The following PTPRD variants were observed in gnomAD, a reference collection of about 807,000 sequenced individuals.
The protein encoded by PTPRD is receptor-type tyrosine-protein phosphatase delta.
Under a neutral mutation model 214.5 loss-of-function variants are expected in PTPRD, and 34 were observed. That is an observed-to-expected ratio of 0.16 (90% CI 0.12 to 0.21). The LOEUF (loss-of-function observed/expected upper bound fraction) is 0.21. PTPRD is among the 10% of genes least tolerant of loss of function. The probability of loss-of-function intolerance (pLI) is 1.00; values close to 1 mark genes in which losing one functional copy is unlikely to be tolerated. For missense variants in PTPRD, 2,545 were observed against 2,398.7 expected (o/e 1.06, Z -1.27); for synonymous variants, 1,128 against 845.7 (o/e 1.33, Z -5.79).
intron 4 of PTPRD, among the ~76,000 whole-genome samples, chr9:9,949,735 G>T (rs529835547): frequency 1.3e-5 from 2 of 152,068 alleles, no homozygotes; most frequent in Non-Finnish European, 2.9e-5. Flanking sequence ...CATTCTTGAC[G>T]AATGGGGAGC....
At chr9:8,977,902 C>A (rs548115777) in intron 11 of PTPRD, among the ~76,000 whole-genome samples, 4 of 151,938 alleles carry the variant, frequency 2.6e-5, no homozygotes, top group African/African-American at 9.7e-5. Context: ...AGAAAGGTGG[C>A]CAGTAAAATA....
intron 7 of PTPRD, among the ~76,000 whole-genome samples, chr9:9,676,233 G>C (rs918843257): frequency 6.6e-6 from 1 of 151,658 alleles, no homozygotes; most frequent in Non-Finnish European, 1.5e-5. Context: ...CCAGTAACTC[G>C]TCATTTAACG....
At chr9:9,848,539 T>C (rs551565194) in intron 5 of PTPRD, among the ~76,000 whole-genome samples, 1 of 152,122 alleles carries the variant, frequency 6.6e-6, no homozygotes, top group Non-Finnish European at 1.5e-5. Flanking sequence ...ACTTTAAGAA[T>C]TGAAGACCTT....
At chr9:8,552,970 C>G (rs1365501855) in intron 14 of PTPRD, among the ~76,000 whole-genome samples, 4 of 152,152 alleles carry the variant, frequency 2.6e-5, no homozygotes, top group Non-Finnish European at 5.9e-5. Context: ...TTCTGCATTA[C>G]CCAGCCATCA....
chr9:8,764,598 C>G (rs2094592160), intron 11 of PTPRD, among the ~76,000 whole-genome samples: 1 of 151,974 alleles, frequency 6.6e-6, no homozygotes. Flanking sequence ...GAGTTCAAGA[C>G]TAGCCTGGCC....
chr9:8,418,978 A>T (rs781240665), intron 35 of PTPRD, among the ~76,000 whole-genome samples: 2 of 152,090 alleles, frequency 1.3e-5, no homozygotes, highest in Non-Finnish European at 2.9e-5. Flanking sequence ...TGGCTCCTTC[A>T]TTCAAAATCA....
chr9:10,210,026 T>C (rs1028977225), intron 3 of PTPRD, among the ~76,000 whole-genome samples: 2 of 152,128 alleles, frequency 1.3e-5, no homozygotes, highest in Non-Finnish European at 2.9e-5. Context: ...AAATTTATAC[T>C]AAAGAAATAA....
At chr9:10,578,584 A>G (rs2070439490) in intron 2 of PTPRD, among the ~76,000 whole-genome samples, 1 of 152,164 alleles carries the variant, frequency 6.6e-6, no homozygotes, top group Non-Finnish European at 1.5e-5. Context: ...CTTACAAATA[A>G]AAAAGATTGA....
intron 9 of PTPRD, among the ~76,000 whole-genome samples, chr9:9,205,268 T>C (rs1488311626): frequency 6.6e-6 from 1 of 152,168 alleles, no homozygotes; most frequent in East Asian, 1.9e-4. Flanking sequence ...ACACATTTAA[T>C]TCAGACAACT....
At chr9:9,923,593 T>G (rs902239782) in intron 5 of PTPRD, among the ~76,000 whole-genome samples, 2 of 151,800 alleles carry the variant, frequency 1.3e-5, no homozygotes, top group East Asian at 3.9e-4. Context: ...CAAAACAATT[T>G]AAAAAGTAAA....
chr9:10,542,358 G>A (rs1178421885), intron 2 of PTPRD, among the ~76,000 whole-genome samples: 1 of 151,826 alleles, frequency 6.6e-6, no homozygotes, highest in Non-Finnish European at 1.5e-5. Flanking sequence ...TGCTATGTAA[G>A]GATTTAAAGA....
intron 2 of PTPRD, among the ~76,000 whole-genome samples, chr9:10,518,690 A>G (rs188175993): frequency 2.9e-3 from 433 of 151,680 alleles, no homozygotes; most frequent in African/African-American, 8.1e-3. Flanking sequence ...CCGCCACCAC[A>G]CCCGGCTAAT....
chr9:8,746,058 T>C (rs1055623040), intron 11 of PTPRD, among the ~76,000 whole-genome samples: 9 of 152,120 alleles, frequency 5.9e-5, no homozygotes, highest in Non-Finnish European at 8.8e-5. Context: ...CCTCCCAAGG[T>C]GGTGGAATTA....
intron 11 of PTPRD, among the ~76,000 whole-genome samples, chr9:8,798,367 G>A (rs1026362056): frequency 6.6e-6 from 1 of 152,086 alleles, no homozygotes; most frequent in Non-Finnish European, 1.5e-5. Flanking sequence ...ATACCAAAGT[G>A]CCAAGAATGC....
At chr9:9,049,619 G>A (rs1192580357) in intron 10 of PTPRD, among the ~76,000 whole-genome samples, 2 of 152,080 alleles carry the variant, frequency 1.3e-5, no homozygotes, top group Admixed American at 1.3e-4. Context: ...TTTGTAGGTA[G>A]TTATGACTAT....
intron 3 of PTPRD, among the ~76,000 whole-genome samples, chr9:10,053,607 GC>G (rs1245206533): frequency 1.3e-5 from 2 of 152,054 alleles, no homozygotes; most frequent in African/African-American, 2.4e-5. Context: ...TTGAACCCTG[GC>G]AACTCTTTAT....
intron 12 of PTPRD, among the ~76,000 whole-genome samples, chr9:8,673,007 A>G (rs2097319248): frequency 6.6e-6 from 1 of 152,162 alleles, no homozygotes; most frequent in Non-Finnish European, 1.5e-5. Context: ...CATTTCCTAT[A>G]TTAAAATGAG....
rs189565762 is a variant in PTPRD, at chr9:10,424,790, C to A, written c.-599-83773G>T. 4.8e-3 allele frequency among the ~76,000 whole-genome samples: 730 copies of A among 151,984 alleles called. 15 individuals carry two copies. The highest frequency in any genetic ancestry group is 6.3e-3 in the Non-Finnish European group (429 of 67,940). ...TTTAAAAACTAAAACGAAAACCCTG[C>A]TGGAAATAAATAAAAAATGTAAGAG... On this transcript the variant is annotated intron_variant, in intron 2 of 45. Transcript: ENST00000381196.
At chr9:9,163,913 C>G (rs1333348934) in intron 10 of PTPRD, among the ~76,000 whole-genome samples, 1 of 152,124 alleles carries the variant, frequency 6.6e-6, no homozygotes, top group Non-Finnish European at 1.5e-5. Flanking sequence ...TCTATTTGAT[C>G]CTACCCATCC....
Sources: gnomAD v4.1 joint callset for allele counts (sites outside exome capture counted in the v4.1 genomes callset) on GRCh38, gnomAD v4.1.1 for gene constraint, MANE v1.5 for transcripts, NCBI Gene and HGNC (gene_info 2026-07-23, HGNC 2026-07-21) for gene names.